The following SAMMSON variants were observed in gnomAD, a reference collection of about 807,000 sequenced individuals.
The protein encoded by SAMMSON is long intergenic non-protein coding RNA 1212.
intron 4 of SAMMSON, among the ~76,000 whole-genome samples, chr3:70,128,231 G>A (rs1390975161): frequency 6.6e-6 from 1 of 152,130 alleles, no homozygotes; most frequent in Non-Finnish European, 1.5e-5. Flanking sequence ...TACACAAGAA[G>A]TGCCTCAATT....
chr3:70,358,500 A>G (rs866267156), intron 9 of SAMMSON, among the ~76,000 whole-genome samples: 5 of 152,104 alleles, frequency 3.3e-5, no homozygotes, highest in Admixed American at 6.6e-5. Context: ...CCCTAGTGCA[A>G]TGCTTCTGGT....
chr3:70,056,354 A>G (rs911788392), intron 3 of SAMMSON, among the ~76,000 whole-genome samples: 1 of 152,056 alleles, frequency 6.6e-6, no homozygotes, highest in African/African-American at 2.4e-5. Flanking sequence ...TTCATAAATA[A>G]ATGAAGAGGA....
chr3:70,067,740 G>A (rs1259044089), intron 3 of SAMMSON, among the ~76,000 whole-genome samples: 1 of 152,010 alleles, frequency 6.6e-6, no homozygotes, highest in East Asian at 1.9e-4. Flanking sequence ...AAAAGGAGGA[G>A]CATAACTCCT....
intron 4 of SAMMSON, among the ~76,000 whole-genome samples, chr3:70,145,243 G>A (rs1285883146): frequency 1.3e-5 from 2 of 152,098 alleles, no homozygotes; most frequent in African/African-American, 4.8e-5. Flanking sequence ...AAACAGACAA[G>A]TCCACAATTG....
At chr3:70,361,228 A>G (rs1702868582) in intron 9 of SAMMSON, among the ~76,000 whole-genome samples, 1 of 152,186 alleles carries the variant, frequency 6.6e-6, no homozygotes, top group South Asian at 2.1e-4. Flanking sequence ...CTGGTTGTAG[A>G]CAAGGCATAA....
At chr3:70,061,077 A>G (rs2067185933) in intron 3 of SAMMSON, among the ~76,000 whole-genome samples, 1 of 152,080 alleles carries the variant, frequency 6.6e-6, no homozygotes, top group Admixed American at 6.6e-5. Context: ...GCATAAAAGG[A>G]TGTATATCCT....
intron 7 of SAMMSON, among the ~76,000 whole-genome samples, chr3:70,353,350 G>A (rs1559570628): frequency 6.6e-6 from 1 of 151,932 alleles, no homozygotes; most frequent in African/African-American, 2.4e-5. Flanking sequence ...CTAGCAACTA[G>A]AATATATAAA....
At chr3:70,194,541 T>A (rs1216283997) in intron 4 of SAMMSON, among the ~76,000 whole-genome samples, 4 of 152,234 alleles carry the variant, frequency 2.6e-5, no homozygotes, top group Non-Finnish European at 5.9e-5. Context: ...ACACTTTGTA[T>A]AACCGACCCT....
intron 3 of SAMMSON, among the ~76,000 whole-genome samples, chr3:70,064,052 T>TTG (rs1576112540): frequency 6.6e-6 from 1 of 152,114 alleles, no homozygotes; most frequent in African/African-American, 2.4e-5. Flanking sequence ...TATGACTAGG[T>TTG]TGTAAGCTCT....
At chr3:70,147,190 A>G (rs1465218616) in intron 4 of SAMMSON, among the ~76,000 whole-genome samples, 1 of 152,028 alleles carries the variant, frequency 6.6e-6, no homozygotes, top group Non-Finnish European at 1.5e-5. Context: ...ATGGAGCTAC[A>G]TCTGGTGTTC....
rs540699384 is a variant in SAMMSON at position 70,255,027 on chromosome 3, C to T, written n.674+5357C>T. Among the ~76,000 whole-genome samples, 17 of 151,920 alleles carry T rather than the reference C, an allele frequency of 1.1e-4. No individual in the cohort carries two copies. In the South Asian group the frequency reaches 3.1e-3, roughly 28 times the overall value. On this transcript the variant is annotated intron_variant and non_coding_transcript_variant, in intron 6 of 9. Coordinates refer to ENST00000642114, the Ensembl canonical transcript of SAMMSON. ...TGTTCCTTATAATTTTACAACAATA[C>T]TTTTTGAAATGAGTGGAAAATCAGC...
chr3:70,137,615 A>C (rs2067511250), intron 4 of SAMMSON: 1 of 152,160 alleles, frequency 6.6e-6, no homozygotes, highest in South Asian at 2.1e-4. Context: ...GCCAGTTCCC[A>C]GTCTACACTT....
intron 3 of SAMMSON, among the ~76,000 whole-genome samples, chr3:70,046,880 C>A (rs2067128980): frequency 6.6e-6 from 1 of 152,068 alleles, no homozygotes; most frequent in African/African-American, 2.4e-5. Context: ...CCCTCTGGCT[C>A]CCTTCCATAG....
intron 4 of SAMMSON, among the ~76,000 whole-genome samples, chr3:70,160,062 T>G (rs932109730): frequency 2.0e-5 from 3 of 152,136 alleles, no homozygotes; most frequent in Admixed American, 2.0e-4. Context: ...TAGACACATA[T>G]TTTGCAAATA....
chr3:70,399,402 C>T (rs980860204), intron 2 of SAMMSON, among the ~76,000 whole-genome samples: 5 of 152,068 alleles, frequency 3.3e-5, no homozygotes, highest in Non-Finnish European at 5.9e-5. Context: ...TATTTAAGAG[C>T]CTGATACAAT....
At chr3:70,151,706 A>C (rs547301080) in intron 4 of SAMMSON, among the ~76,000 whole-genome samples, 2 of 152,160 alleles carry the variant, frequency 1.3e-5, no homozygotes, top group Non-Finnish European at 2.9e-5. Context: ...TGTAAGAAAA[A>C]ATTGCTTATA....
At chr3:70,175,276 A>T (rs1193650558) in intron 4 of SAMMSON, among the ~76,000 whole-genome samples, 1 of 152,090 alleles carries the variant, frequency 6.6e-6, no homozygotes, top group Non-Finnish European at 1.5e-5. Context: ...TGAAATAGAG[A>T]AAGAGTACCT....
intron 4 of SAMMSON, among the ~76,000 whole-genome samples, chr3:70,219,934 T>C (rs1301879461): frequency 6.6e-6 from 1 of 152,150 alleles, no homozygotes; most frequent in East Asian, 1.9e-4. Context: ...CTGCGATGTA[T>C]TTCCTGAGCA....
intron 4 of SAMMSON, among the ~76,000 whole-genome samples, chr3:70,109,892 A>G (rs1033728708): frequency 2.6e-5 from 4 of 152,198 alleles, no homozygotes; most frequent in African/African-American, 9.7e-5. Flanking sequence ...TCATTTGTTT[A>G]GCAAATATTT....
Sources: gnomAD v4.1 joint callset for allele counts (sites outside exome capture counted in the v4.1 genomes callset) on GRCh38, gnomAD v4.1.1 for gene constraint, MANE v1.5 for transcripts, NCBI Gene and HGNC (gene_info 2026-07-23, HGNC 2026-07-21) for gene names.